TRPA1: variants seen among roughly 807,000 people sequenced by gnomAD.
TRPA1 encodes ankyrin-like with transmembrane domains 1.
TRPA1 carries 129 observed loss-of-function variants against 131.3 expected under a neutral mutation model. The ratio of observed to expected loss-of-function variants is 0.98; its 90% CI spans 0.85 to 1.14. The LOEUF is 1.14. Among genes scored for constraint, TRPA1 ranks in the 50% most tolerant of loss-of-function variants. The probability of loss-of-function intolerance (pLI) is 0.00; values close to 1 mark genes in which losing one functional copy is unlikely to be tolerated. For synonymous variants in TRPA1, 441 were observed against 451.7 expected, an observed-to-expected ratio of 0.98 and a Z score of 0.30; for missense variants, 1,304 against 1,354.2, an observed-to-expected ratio of 0.96 and a Z score of 0.58.
At chr8:72,031,442 G>T (rs1811810723) in intron 23 of TRPA1, among the ~76,000 whole-genome samples, 1 of 151,868 alleles carries the variant, frequency 6.6e-6, no homozygotes. Flanking sequence ...GCTGGGTGTG[G>T]TGGTGAGCAC....
intron 4 of TRPA1, among the ~76,000 whole-genome samples, 197 bp downstream of exon 4, chr8:72,065,254 T>C (rs532044574): frequency 6.6e-6 from 1 of 152,338 alleles, no homozygotes; most frequent in East Asian, 1.9e-4. Context: ...ACTATTAGTC[T>C]TCTATAAGCA....
chr8:72,053,704 T>A (rs1240058967), intron 13 of TRPA1, 49 bp downstream of exon 13: 3 of 1,381,812 alleles, frequency 2.2e-6, no homozygotes, highest in Non-Finnish European at 3.1e-6. Context: ...ATGTTGGAAG[T>A]TTCTGCTATA....
Position 72,055,793 on chromosome 8 carries a change from A to G in TRPA1, c.1257T>C (p.Tyr419=), listed in dbSNP as rs1272409236. The change falls in exon 11 of 27, where the codon TAT becomes TAC. Residue 419 remains tyrosine (Y), a synonymous_variant. Coordinates refer to ENST00000262209, the MANE Select transcript of TRPA1 (RefSeq NM_007332.3). ...AACCAGGGCCCCCCTGTCTACATGC[A>G]TAATGTAGAGGAGTACACCCATCGT... ...EDNDGCTPLH[Y]ACRQGGPGSV... is the part of the protein sequence containing the mutation. 6 of 1,609,284 alleles carry G rather than the reference A, an allele frequency of 3.7e-6. No individual in the cohort carries two copies. Among genetic ancestry groups the G allele is most frequent in the Admixed American group, 3.3e-5 (2 of 59,856 alleles).
intron 23 of TRPA1, among the ~76,000 whole-genome samples, chr8:72,032,897 C>T (rs893609167): frequency 1.3e-5 from 2 of 152,160 alleles, no homozygotes; most frequent in African/African-American, 4.8e-5. Flanking sequence ...GGAATATGTG[C>T]ATGCGTGCAT....
chr8:72,081,448 A>G, the TRPA1 span, among the ~76,000 whole-genome samples: 7 of 151,836 alleles, frequency 4.6e-5, no homozygotes. Context: ...ACTGTTCTAC[A>G]TACACTTGAA....
chr8:72,081,545 T>C, the TRPA1 span, among the ~76,000 whole-genome samples: 1 of 151,858 alleles, frequency 6.6e-6, no homozygotes, highest in African/African-American at 2.4e-5. Flanking sequence ...AAGTTTTCTA[T>C]ATTCTTAGTG....
At chr8:72,048,201 G>A (rs548447956) in intron 15 of TRPA1, among the ~76,000 whole-genome samples, 1 of 152,214 alleles carries the variant, frequency 6.6e-6, no homozygotes, top group East Asian at 1.9e-4. Flanking sequence ...AACAATTTGA[G>A]ACACCTCAAA....
At position 72,053,335 on chromosome 8, in the gene TRPA1, C is replaced by T. The variant is rs181320557; in HGVS notation, c.1644+418G>A. The T allele has an allele frequency of 1.0e-4, 24 of 240,602 alleles. 1 individual carries two copies. The highest frequency in any genetic ancestry group is 8.5e-4 in the East Asian group (8 of 9,460). The allele number at this position is 240,602 out of a possible 1,614,324, so 14.9% of individuals were successfully genotyped here. On this transcript the variant is annotated intron_variant, in intron 13 of 26. Coordinates refer to ENST00000262209, the MANE Select transcript of TRPA1 (RefSeq NM_007332.3). ...CTATCCCCATCATTTTATGAACAAA[C>T]GTACATTTCAAAAGTTACTCTCCCC... is the stretch of plus-strand genomic sequence containing the variant.
the TRPA1 span, among the ~76,000 whole-genome samples, chr8:72,081,503 T>C: frequency 6.6e-6 from 1 of 151,856 alleles, no homozygotes; most frequent in Non-Finnish European, 1.5e-5. Flanking sequence ...TCTCAGTATG[T>C]TATTGGGTAT....
upstream of TRPA1, among the ~76,000 whole-genome samples, chr8:72,078,872 C>G (rs919846965): frequency 6.6e-6 from 1 of 151,950 alleles, no homozygotes; most frequent in Admixed American, 6.6e-5. Flanking sequence ...TATATGGCCT[C>G]CAGCAGTGTA....
Position 72,055,701 on chromosome 8 carries a change from A to G in TRPA1, c.1349T>C (p.Leu450Pro), listed in dbSNP as rs1432129499. ...HSKSKDKKSP[L>P]HFAASYGRIN... ...TGACCCTTACCTGGCTGCAAAATGC[A>G]GAGGTGATTTCTTATCTTTGCTTTT... The change falls in exon 11 of 27, where the codon CTG becomes CCG. Residue 450 changes from leucine to proline, a missense_variant. Leu to Pro is a moderately conservative substitution (Grantham distance 98). Transcript: ENST00000262209. The G allele has an allele frequency of 1.2e-6, 2 of 1,613,532 alleles. No homozygotes were observed. Among genetic ancestry groups the G allele is most frequent in the Non-Finnish European group, 8.5e-7 (1 of 1,179,702 alleles).
chr8:72,059,165 A>G (rs1439131748), intron 8 of TRPA1, among the ~76,000 whole-genome samples: 2 of 152,186 alleles, frequency 1.3e-5, no homozygotes, highest in Non-Finnish European at 2.9e-5. Context: ...ACTGATATGG[A>G]TATCCAAATT....
intron 24 of TRPA1, among the ~76,000 whole-genome samples, chr8:72,027,323 G>A (rs1158601376): frequency 1.3e-5 from 2 of 152,160 alleles, no homozygotes; most frequent in Non-Finnish European, 2.9e-5. Context: ...CAAGTCCAGT[G>A]TGGGTCAGGT....
Position 72,023,853 on chromosome 8 carries a change from T to G in TRPA1, c.3110A>C (p.Asp1037Ala), listed in dbSNP as rs1466709219. ...TAATATTTCCATTTCTAAAGATTTA[T>G]CAGCATTTGGTATTTCTTGTCTTAT... is the stretch of plus-strand genomic sequence containing the variant. ...GEIRQEIPNA[D>A]KSLEMEILKQ... is the part of the protein sequence containing the mutation. Residue 1037 changes from aspartate (D) to alanine (A), a missense_variant, in exon 26 of 27, where the codon GAT becomes GCT. By Grantham distance (126) the Asp-to-Ala change is moderately radical. Coordinates refer to ENST00000262209, the MANE Select transcript of TRPA1 (RefSeq NM_007332.3). The G allele has an allele frequency of 6.3e-7, 1 of 1,594,910 alleles. No individual in the cohort carries two copies. The highest frequency in any genetic ancestry group is 1.3e-5 in the African/African-American group (1 of 74,622).
At chr8:72,087,740 C>A in the TRPA1 span, among the ~76,000 whole-genome samples, 1 of 151,724 alleles carries the variant, frequency 6.6e-6, no homozygotes, top group African/African-American at 2.4e-5. Context: ...TTATTTTATT[C>A]TAATGCCCTG....
chr8:72,036,591 C>T, intron 20 of TRPA1, 134 bp from the exon 21 acceptor site: 1 of 775,164 alleles, frequency 1.3e-6, no homozygotes, highest in Admixed American at 2.5e-5. Context: ...CAAGGAGTAA[C>T]CTCACGCCAT....
chr8:72,071,044 G>A (rs1806047532), intron 2 of TRPA1, among the ~76,000 whole-genome samples: 2 of 152,080 alleles, frequency 1.3e-5, no homozygotes, highest in South Asian at 4.1e-4. Context: ...TTATTTTGCT[G>A]TCGAGCACTA....
rs1000004224 is a variant in TRPA1, at chr8:72,071,579, C to G, written c.268+132G>C. 9 of 1,044,154 alleles carry G rather than the reference C, an allele frequency of 8.6e-6. No homozygotes were observed. The African/African-American group carries it at 1.3e-4, about 15-fold the overall frequency. 64.7% of individuals were successfully genotyped at this position (1,044,154 alleles called of 1,614,324 possible). Reference sequence around the variant, plus strand: ...GAGTGCTGGTGTGTAGGAAAACCCACAATTCTAAGTGAAATATATAGGCTC... The same window carrying G: ...GAGTGCTGGTGTGTAGGAAAACCCAGAATTCTAAGTGAAATATATAGGCTC... On this transcript the variant is annotated intron_variant, in intron 2 of 26. Coordinates refer to ENST00000262209, the MANE Select transcript of TRPA1 (RefSeq NM_007332.3).
intron 16 of TRPA1, 138 bp downstream of exon 16, chr8:72,047,010 G>A: frequency 2.9e-6 from 2 of 685,400 alleles, no homozygotes; most frequent in South Asian, 3.9e-5. Flanking sequence ...TCTCTCACAA[G>A]TAGATAATAC....
Sources: allele counts gnomAD v4.1 joint callset (sites outside exome capture counted in the v4.1 genomes callset), GRCh38; gene constraint gnomAD v4.1.1; transcripts MANE v1.5; gene names NCBI Gene and HGNC (gene_info 2026-07-23, HGNC 2026-07-21).